Variants in ATRN observed in about 807,000 individuals in gnomAD.
ATRN encodes the protein attractin.
A neutral mutation model predicts 178.7 loss-of-function variants in ATRN; 54 were observed. The ratio of observed to expected loss-of-function variants is 0.30; its 90% CI spans 0.24 to 0.38. ATRN has a LOEUF of 0.38. ATRN is among the 10% of genes least tolerant of loss of function. The pLI, the probability that ATRN is intolerant of heterozygous loss-of-function variation, is 1.00. For missense variants in ATRN, 1,443 were observed against 1,815.1 expected, an observed-to-expected ratio of 0.79 and a Z score of 3.73; for synonymous variants, 636 against 663.0, an observed-to-expected ratio of 0.96 and a Z score of 0.63.
intron 6 of ATRN, among the ~76,000 whole-genome samples, chr20:3,558,036 A>G (rs1369434801): frequency 6.6e-6 from 1 of 152,252 alleles, no homozygotes; most frequent in African/African-American, 2.4e-5. Flanking sequence ...CTTAGAAATT[A>G]AAACACTGCT....
At chr20:3,498,830 C>T (rs1427343056) in intron 1 of ATRN, among the ~76,000 whole-genome samples, 1 of 143,212 alleles carries the variant, frequency 7.0e-6, no homozygotes, top group Admixed American at 7.0e-5. Flanking sequence ...AAGTTCTGGC[C>T]AGGGCAATTA....
chr20:3,570,106 A>G (rs2146238061), intron 11 of ATRN, among the ~76,000 whole-genome samples: 1 of 150,592 alleles, frequency 6.6e-6, no homozygotes, highest in Middle Eastern at 3.4e-3. Context: ...AATATCTCTC[A>G]GTGTCCATTC....
intron 24 of ATRN, among the ~76,000 whole-genome samples, chr20:3,615,557 CTTTT>C (rs553919921): frequency 1.5e-5 from 2 of 133,260 alleles, no homozygotes; most frequent in African/African-American, 2.7e-5. Flanking sequence ...TTTCTTTTTT[CTTTT>C]TTTTTTTTTT....
chr20:3,607,757 G>A (rs1264786449), intron 24 of ATRN, among the ~76,000 whole-genome samples: 1 of 152,118 alleles, frequency 6.6e-6, no homozygotes, highest in East Asian at 1.9e-4. Flanking sequence ...GGGATTGCTG[G>A]ATCATGTGGT....
intron 1 of ATRN, chr20:3,490,911 G>A (rs947607382): frequency 2.4e-5 from 29 of 1,210,740 alleles, no homozygotes; most frequent in South Asian, 4.8e-5. Context: ...AGAATTGAGC[G>A]TGGACTTCTT....
At chr20:3,483,022 A>C (rs1273724868) in intron 1 of ATRN, among the ~76,000 whole-genome samples, 1 of 152,082 alleles carries the variant, frequency 6.6e-6, no homozygotes, top group African/African-American at 2.4e-5. Flanking sequence ...CCATGTTACC[A>C]CCCCTTCTTA....
intron 1 of ATRN, among the ~76,000 whole-genome samples, chr20:3,488,513 G>A (rs561849977): frequency 4.6e-5 from 7 of 152,210 alleles, no homozygotes; most frequent in African/African-American, 7.2e-5. Flanking sequence ...GTAGTGCTGC[G>A]TCTGTTATCA....
chr20:3,572,942 T>C lies in ATRN; in HGVS notation c.2083T>C (p.Ser695Pro). The C allele has an allele frequency of 6.2e-7, 1 of 1,613,224 alleles. No homozygotes were observed. Among genetic ancestry groups the C allele is most frequent in the Non-Finnish European group, 8.5e-7 (1 of 1,179,622 alleles). ...AGAAAAGTTAAAATCAGAATGTTTTTCCAAAAGAAGTATGTTTTTTTTTCT... is the reference window on the plus strand; with the variant it reads ...AGAAAAGTTAAAATCAGAATGTTTTCCCAAAAGAAGTATGTTTTTTTTTCT... The part of the protein sequence containing the change: ...QEEKLKSECF[S>P]KRTLDHDRCD... Residue 695 changes from serine to proline, a missense_variant, in exon 12 of 29, where the codon TCC becomes CCC. By Grantham distance (74) the Ser-to-Pro change is moderately conservative. This residue lies in a region of ATRN where 862 missense variants were observed against 972.1 expected (regional missense o/e 0.89). Coordinates refer to ENST00000262919, the MANE Select transcript of ATRN (RefSeq NM_139321.3).
intron 19 of ATRN, among the ~76,000 whole-genome samples, chr20:3,593,235 G>A (rs2086477531): frequency 6.6e-6 from 1 of 152,170 alleles, no homozygotes; most frequent in Non-Finnish European, 1.5e-5. Flanking sequence ...CAGGGCCTGA[G>A]TACAATTTGC....
At chr20:3,504,688 GATAATAATA>G (rs60176330) in intron 1 of ATRN, among the ~76,000 whole-genome samples, 9,385 of 135,816 alleles carry the variant, frequency 0.069, 465 homozygotes, top group African/African-American at 0.13. Context: ...TCTGTCTTAA[GATAATAATA>G]ATAATAATAA....
At chr20:3,578,855 T>C (rs2146253271) in intron 15 of ATRN, 83 bp downstream of exon 15, 3 of 1,297,588 alleles carry the variant, frequency 2.3e-6, no homozygotes, top group Non-Finnish European at 3.2e-6. Flanking sequence ...TGTGGAAGGC[T>C]GTGGATATGT....
At chr20:3,589,589 G>A (rs1032604959) in intron 18 of ATRN, among the ~76,000 whole-genome samples, 3 of 152,054 alleles carry the variant, frequency 2.0e-5, no homozygotes, top group Non-Finnish European at 4.4e-5. Context: ...GGTGGTATTC[G>A]GAGATTGAGA....
chr20:3,493,809 C>T lies in ATRN; in HGVS notation c.410+22292C>T, dbSNP rs150406068. On this transcript the variant is annotated intron_variant, in intron 1 of 28. Coordinates refer to ENST00000262919, the MANE Select transcript of ATRN (RefSeq NM_139321.3). The stretch of plus-strand genomic sequence containing the variant: ...TTTCCCATACTGTCATGGATACACA[C>T]GAGATTGTTCTGGACTTCCTTTATA... Among the ~76,000 whole-genome samples the T allele has an allele frequency of 5.9e-3, 898 of 152,180 alleles. 7 individuals are homozygous for T. Among genetic ancestry groups the T allele is most frequent in the African/African-American group, 0.021 (868 of 41,506 alleles).
intron 3 of ATRN, among the ~76,000 whole-genome samples, chr20:3,541,113 T>C (rs1374066710): frequency 1.4e-4 from 20 of 144,580 alleles, no homozygotes; most frequent in Non-Finnish European, 2.3e-4. Flanking sequence ...AGTCTCGCTC[T>C]GTCGCCCAGG....
chr20:3,492,744 T>C (rs1305466490), intron 1 of ATRN, among the ~76,000 whole-genome samples: 1 of 151,574 alleles, frequency 6.6e-6, no homozygotes, highest in East Asian at 1.9e-4. Context: ...TGGGAAGAGA[T>C]AATTCTGCCA....
At chr20:3,493,118 TTGTTTG>T (rs1405781624) in intron 1 of ATRN, among the ~76,000 whole-genome samples, 64 of 42,932 alleles carry the variant, frequency 1.5e-3, no homozygotes, top group Non-Finnish European at 2.6e-3. Flanking sequence ...GTAGGTACGT[TTGTTTG>T]TGTGTGTGTG....
intron 2 of ATRN, among the ~76,000 whole-genome samples, chr20:3,535,802 G>C (rs774693075): frequency 6.6e-6 from 1 of 151,914 alleles, no homozygotes; most frequent in Admixed American, 6.6e-5. Flanking sequence ...GGCTAATTTT[G>C]TATTTTTAGT....
chr20:3,599,709 G>A (rs1199367887), intron 22 of ATRN, among the ~76,000 whole-genome samples: 1 of 152,208 alleles, frequency 6.6e-6, no homozygotes, highest in African/African-American at 2.4e-5. Flanking sequence ...TGGAGTATGT[G>A]TGGATTTGGG....
In ATRN at chr20:3,471,497, G is replaced by T. The variant is rs747712302; in HGVS notation, c.390G>T (p.Gln130His). Residue 130 changes from glutamine to histidine, a missense_variant, in exon 1 of 29, where the codon CAG becomes CAT. Physicochemically the swap from Gln to His is conservative, Grantham distance 24. Coordinates refer to ENST00000262919, the MANE Select transcript of ATRN (RefSeq NM_139321.3). ...CPAGWVGEQC[Q>H]HCGGRFRLTG... ...CCGGCTGGGTGGGCGAGCAATGCCAGCACTGCGGGGGCCGCTTCAGGTGAG... is the reference window on the plus strand; with the variant it reads ...CCGGCTGGGTGGGCGAGCAATGCCATCACTGCGGGGGCCGCTTCAGGTGAG... 7.1e-7 allele frequency: 1 copy of T among 1,406,012 alleles called. No individual in the cohort carries two copies. The highest frequency in any genetic ancestry group is 2.9e-5 in the East Asian group (1 of 34,470). The allele number at this position is 1,406,012 out of a possible 1,614,324, so 87.1% of individuals were successfully genotyped here. A position where few individuals can be genotyped will look rare whatever the true frequency, so the allele number is the denominator to read the frequency against.
Sources: gnomAD v4.1 joint callset for allele counts (sites outside exome capture counted in the v4.1 genomes callset) on GRCh38, gnomAD v4.1.1 for gene constraint, gnomAD v4.1.1 regional missense constraint, MANE v1.5 for transcripts, NCBI Gene and HGNC (gene_info 2026-07-23, HGNC 2026-07-21) for gene names.